SUGCT: variants seen among roughly 807,000 people sequenced by gnomAD.
The protein encoded by SUGCT is succinyl-CoA:glutarate-CoA transferase, also known as succinyl-CoA:glutarate CoA-transferase.
In SUGCT, 41 loss-of-function variants were observed where a neutral mutation model predicts 55.0. The ratio of observed to expected loss-of-function variants is 0.74; its 90% CI spans 0.58 to 0.97. The LOEUF is 0.97. Ranked by LOEUF, SUGCT falls within the 50% of genes least tolerant of loss-of-function variation. The probability of loss-of-function intolerance (pLI) is 0.00; values close to 1 mark genes in which losing one functional copy is unlikely to be tolerated. For synonymous variants in SUGCT, 187 were observed against 200.4 expected (o/e 0.93, Z 0.56); for missense variants, 568 against 547.8 (o/e 1.04, Z -0.37).
rs1406820628 is a variant in SUGCT, at chr7:40,449,166, T to C, written c.817-121T>C. On this transcript the variant is annotated intron_variant, in intron 9 of 13. Transcript: ENST00000335693. ...CATATATGAAAAAGATACAAATTAA[T>C]CGATATTGAATTAATAACATTGCTT... is the stretch of plus-strand genomic sequence containing the variant. The C allele has an allele frequency of 9.5e-6, 6 of 629,938 alleles. No homozygotes were observed. In the Admixed American group the frequency reaches 1.4e-4, roughly 15 times the overall value. 39.0% of individuals were successfully genotyped at this position (629,938 alleles called of 1,614,324 possible).
chr7:40,763,544 T>C (rs1788639106), intron 13 of SUGCT, among the ~76,000 whole-genome samples: 1 of 152,118 alleles, frequency 6.6e-6, no homozygotes, highest in South Asian at 2.1e-4. Flanking sequence ...TTCGCTCATG[T>C]TTGAGAGTGG....
chr7:40,331,081 CA>C (rs557648869), intron 9 of SUGCT, among the ~76,000 whole-genome samples: 2 of 151,830 alleles, frequency 1.3e-5, no homozygotes, highest in East Asian at 1.9e-4. Context: ...AAGAAAATCA[CA>C]AAAAAAATCT....
At chr7:40,880,741 G>C in the SUGCT span, among the ~76,000 whole-genome samples, 2 of 152,190 alleles carry the variant, frequency 1.3e-5, no homozygotes, top group Non-Finnish European at 2.9e-5. Context: ...AATGGTTTAT[G>C]ATTCAGTGAC....
intron 12 of SUGCT, among the ~76,000 whole-genome samples, chr7:40,571,199 G>C (rs1421975201): frequency 2.0e-5 from 3 of 152,096 alleles, no homozygotes; most frequent in African/African-American, 7.2e-5. Flanking sequence ...AGCTAAGCTT[G>C]CCCTTGCCAC....
the SUGCT span, among the ~76,000 whole-genome samples, chr7:40,865,857 T>A: frequency 6.6e-6 from 1 of 152,198 alleles, no homozygotes; most frequent in Admixed American, 6.5e-5. Context: ...TCTACCTTGT[T>A]AAATAGGGTG....
chr7:40,175,356 A>G (rs972215759), intron 1 of SUGCT, among the ~76,000 whole-genome samples: 9 of 151,838 alleles, frequency 5.9e-5, no homozygotes, highest in Non-Finnish European at 1.3e-4. Flanking sequence ...AGTAGCTGGG[A>G]TTACAGGTAT....
At chr7:41,025,393 G>A in the SUGCT span, among the ~76,000 whole-genome samples, 24 of 149,824 alleles carry the variant, frequency 1.6e-4, no homozygotes, top group Non-Finnish European at 2.5e-4. Flanking sequence ...TTTTTGAGAC[G>A]TAGTTTCGCT....
chr7:40,947,823 G>C, the SUGCT span, among the ~76,000 whole-genome samples: 14 of 152,154 alleles, frequency 9.2e-5, no homozygotes, highest in Non-Finnish European at 1.6e-4. Flanking sequence ...TATGTGCTAA[G>C]GGATATCTTC....
intron 12 of SUGCT, among the ~76,000 whole-genome samples, chr7:40,540,547 A>G (rs1326569277): frequency 6.6e-6 from 1 of 152,246 alleles, no homozygotes; most frequent in Non-Finnish European, 1.5e-5. Flanking sequence ...AGTTACAGAA[A>G]ATACAGCTTC....
the SUGCT span, among the ~76,000 whole-genome samples, chr7:40,956,774 T>A: frequency 1.3e-5 from 2 of 152,224 alleles, no homozygotes; most frequent in Non-Finnish European, 2.9e-5. Context: ...AATTTCCCTC[T>A]CAACACTGCT....
chr7:40,847,661 C>T (rs1432424197), intron 13 of SUGCT, among the ~76,000 whole-genome samples: 1 of 152,010 alleles, frequency 6.6e-6, no homozygotes, highest in African/African-American at 2.4e-5. Context: ...ATGATCTGCC[C>T]ACCTCAGCCT....
the SUGCT span, among the ~76,000 whole-genome samples, chr7:41,031,704 C>T: frequency 1.5e-4 from 23 of 152,268 alleles, no homozygotes; most frequent in African/African-American, 5.5e-4. Flanking sequence ...TTCTTTAGAT[C>T]ATACTTACCA....
chr7:40,192,379 G>C (rs1785966234), intron 5 of SUGCT, among the ~76,000 whole-genome samples: 1 of 151,938 alleles, frequency 6.6e-6, no homozygotes, highest in Non-Finnish European at 1.5e-5. Context: ...GATAACTTCT[G>C]ATCATGTCTT....
chr7:40,656,293 A>G lies in SUGCT; in HGVS notation c.1090-93141A>G, dbSNP rs562546635. Among the ~76,000 whole-genome samples, 8 of 151,880 alleles carry G rather than the reference A, an allele frequency of 5.3e-5. No individual in the cohort carries two copies. In the South Asian group the frequency reaches 1.0e-3, roughly 20 times the overall value. On this transcript the variant is annotated intron_variant, in intron 12 of 13. Transcript: ENST00000335693. ...CACCGAGATTTGACCCTAACACACT[A>G]ATTCTCCCAGGAAAAATGTGTACCT... is the stretch of plus-strand genomic sequence containing the variant.
intron 9 of SUGCT, among the ~76,000 whole-genome samples, chr7:40,368,776 G>C (rs1784138803): frequency 6.6e-6 from 1 of 152,080 alleles, no homozygotes; most frequent in Non-Finnish European, 1.5e-5. Context: ...GAGGCCTTTT[G>C]AACATGCAAG....
intron 9 of SUGCT, among the ~76,000 whole-genome samples, chr7:40,432,533 A>G (rs995170920): frequency 3.9e-5 from 6 of 152,028 alleles, no homozygotes; most frequent in African/African-American, 7.2e-5. Context: ...TAAAAATACA[A>G]AAGTTAGCTG....
chr7:40,459,145 T>C lies in SUGCT; in HGVS notation c.933T>C (p.Thr311=). The change falls in exon 11 of 14, where the codon ACT becomes ACC. Residue 311 remains threonine, a synonymous_variant. Coordinates refer to ENST00000335693, the MANE Select transcript of SUGCT (RefSeq NM_001193313.2). ...PELIDNSKYK[T]NHLRVHNRKE... ...TGATTGATAATTCCAAGTATAAAAC[T>C]AACCACCTTCGGGTACACAATAGAA... The C allele has an allele frequency of 6.2e-7, 1 of 1,612,058 alleles. No individual in the cohort carries two copies. The highest frequency in any genetic ancestry group is 8.5e-7 in the Non-Finnish European group (1 of 1,178,808).
At chr7:40,515,654 C>A (rs1793192178) in intron 12 of SUGCT, among the ~76,000 whole-genome samples, 1 of 152,174 alleles carries the variant, frequency 6.6e-6, no homozygotes, top group South Asian at 2.1e-4. Flanking sequence ...GTACTTCATT[C>A]CTTTATATGG....
intron 12 of SUGCT, among the ~76,000 whole-genome samples, chr7:40,624,342 A>G (rs1799415401): frequency 6.6e-6 from 1 of 152,222 alleles, no homozygotes; most frequent in Admixed American, 6.5e-5. Flanking sequence ...GTGAAAAGGA[A>G]GACGTATATT....
Sources: allele counts gnomAD v4.1 joint callset (sites outside exome capture counted in the v4.1 genomes callset), GRCh38; gene constraint gnomAD v4.1.1; transcripts MANE v1.5; gene names NCBI Gene and HGNC (gene_info 2026-07-23, HGNC 2026-07-21).